The following RORA variants were observed in gnomAD, a reference collection of about 807,000 sequenced individuals.
RORA encodes nuclear receptor ROR-alpha.
In RORA, 7 loss-of-function variants were observed where a neutral mutation model predicts 69.5. That is an observed-to-expected ratio of 0.10 (90% CI 0.06 to 0.19). The LOEUF is 0.19. Ranked by LOEUF, RORA falls within the 10% of genes least tolerant of loss-of-function variation. The pLI is 1.00. For missense variants in RORA, 457 were observed against 663.0 expected (o/e 0.69, Z 3.41); for synonymous variants, 261 against 240.8 (o/e 1.08, Z -0.78).
Position 61,164,852 on chromosome 15 carries a change from A to G in RORA, c.166+64201T>C, listed in dbSNP as rs1224221711. Among the ~76,000 whole-genome samples, 3 of 152,218 alleles carry G rather than the reference A, an allele frequency of 2.0e-5. No homozygotes were observed. In the East Asian group the frequency reaches 5.8e-4, roughly 29 times the overall value. Reference sequence around the variant, plus strand: ...AGAAAAAATATAAATGTTCCAGGTAATTAGAGAGCACTTTCCAAGAAGCAC... The same window carrying G: ...AGAAAAAATATAAATGTTCCAGGTAGTTAGAGAGCACTTTCCAAGAAGCAC... On this transcript the variant is annotated intron_variant, in intron 1 of 10. Coordinates refer to ENST00000335670, the MANE Select transcript of RORA (RefSeq NM_134261.3).
chr15:60,505,199 G>A (rs2065460058), intron 6 of RORA, among the ~76,000 whole-genome samples: 1 of 152,156 alleles, frequency 6.6e-6, no homozygotes, highest in African/African-American at 2.4e-5. Context: ...TCTTGATTGT[G>A]ATATTGAGAC....
intron 1 of RORA, among the ~76,000 whole-genome samples, chr15:61,137,103 A>C (rs7177216): frequency 4.2e-5 from 6 of 142,544 alleles, no homozygotes; most frequent in South Asian, 2.3e-4. Context: ...AAGAAAGAAA[A>C]AAGCAAGGGT....
chr15:60,882,144 G>A (rs920691190), intron 1 of RORA, among the ~76,000 whole-genome samples: 46 of 152,146 alleles, frequency 3.0e-4, no homozygotes, highest in African/African-American at 1.1e-3. Context: ...TACAAAGCAT[G>A]CTGGCGAACA....
At position 60,572,744 on chromosome 15, in the gene RORA, G is replaced by A. The variant is rs113544149; in HGVS notation, c.197-40893C>T. Among the ~76,000 whole-genome samples, 602 of 152,326 alleles carry A rather than the reference G, an allele frequency of 4.0e-3. 5 individuals are homozygous for A. Among genetic ancestry groups the A allele is most frequent in the African/African-American group, 0.014 (568 of 41,560 alleles). On this transcript the variant is annotated intron_variant, in intron 2 of 10. Coordinates refer to ENST00000335670, the MANE Select transcript of RORA (RefSeq NM_134261.3). The stretch of plus-strand genomic sequence containing the variant: ...AAGCCACTGGTCCTGTGGCAAGGAA[G>A]TCAGATCACCACTATTCTGGATCAA...
chr15:60,597,557 T>A (rs1424093151), intron 2 of RORA, among the ~76,000 whole-genome samples: 1 of 26,900 alleles, frequency 3.7e-5, no homozygotes, highest in East Asian at 3.3e-3. Flanking sequence ...ACAACATATA[T>A]ATATATATAT....
intron 1 of RORA, among the ~76,000 whole-genome samples, chr15:60,746,681 G>A (rs992223102): frequency 1.3e-5 from 2 of 152,168 alleles, no homozygotes; most frequent in African/African-American, 2.4e-5. Context: ...CACTGTACAT[G>A]ACTGTGTCTT....
intron 1 of RORA, chr15:60,764,679 T>C (rs538111233): frequency 9.2e-5 from 14 of 152,334 alleles, no homozygotes; most frequent in African/African-American, 3.1e-4. Context: ...TGAGCTTTCA[T>C]CTGGATATGT....
At chr15:61,028,821 C>G (rs556775654) in intron 1 of RORA, among the ~76,000 whole-genome samples, 1 of 152,276 alleles carries the variant, frequency 6.6e-6, no homozygotes, top group South Asian at 2.1e-4. Flanking sequence ...AGTACTGATT[C>G]ACGCTAAAAT....
At chr15:60,558,131 C>T (rs2067421296) in intron 2 of RORA, 3 of 844,058 alleles carry the variant, frequency 3.6e-6, no homozygotes, top group Admixed American at 2.2e-5. Flanking sequence ...TGCCCAGTGC[C>T]ACACCGGGGG....
At chr15:60,680,299 T>A (rs1360834723) in intron 1 of RORA, among the ~76,000 whole-genome samples, 2 of 152,146 alleles carry the variant, frequency 1.3e-5, no homozygotes, top group Non-Finnish European at 2.9e-5. Context: ...TCCACACAAT[T>A]GGATTTAATA....
At chr15:60,580,123 G>A (rs1200361505) in intron 2 of RORA, among the ~76,000 whole-genome samples, 16 of 151,814 alleles carry the variant, frequency 1.1e-4, no homozygotes, top group Admixed American at 9.8e-4. Context: ...TATTTTCAAT[G>A]TAATATCAAG....
At chr15:60,784,113 C>T (rs1680446) in intron 1 of RORA, among the ~76,000 whole-genome samples, 15,586 of 152,114 alleles carry the variant, frequency 0.1, 1,708 homozygotes, top group African/African-American at 0.28. Context: ...TAATAAGTTT[C>T]CACGAAGCTA....
At chr15:60,777,182 G>T (rs2072180659) in intron 1 of RORA, among the ~76,000 whole-genome samples, 1 of 152,204 alleles carries the variant, frequency 6.6e-6, no homozygotes, top group African/African-American at 2.4e-5. Flanking sequence ...CAAAGCATAA[G>T]AATGTTCACA....
intron 3 of RORA, among the ~76,000 whole-genome samples, chr15:60,515,348 C>T (rs1419086540): frequency 1.3e-5 from 2 of 152,184 alleles, no homozygotes; most frequent in African/African-American, 2.4e-5. Context: ...GGAATATTCC[C>T]TCATCCCTGG....
intron 2 of RORA, among the ~76,000 whole-genome samples, chr15:60,621,147 A>T (rs1040004078): frequency 6.6e-6 from 1 of 152,206 alleles, no homozygotes; most frequent in Non-Finnish European, 1.5e-5. Context: ...GATGTTCCTA[A>T]GAAGAACTTA....
intron 1 of RORA, among the ~76,000 whole-genome samples, chr15:60,806,054 C>G (rs1415859184): frequency 6.6e-6 from 1 of 152,160 alleles, no homozygotes; most frequent in Non-Finnish European, 1.5e-5. Flanking sequence ...CTCTTGATTG[C>G]TTGGCCAATC....
chr15:60,819,164 T>C (rs962126104), intron 1 of RORA, among the ~76,000 whole-genome samples: 1 of 152,256 alleles, frequency 6.6e-6, no homozygotes. Flanking sequence ...CTTTGATTTA[T>C]GCTATTACTG....
At chr15:60,709,628 G>A (rs974937269) in intron 1 of RORA, among the ~76,000 whole-genome samples, 2 of 151,474 alleles carry the variant, frequency 1.3e-5, no homozygotes, top group South Asian at 2.1e-4. Context: ...TAGGTTGTGC[G>A]CTCGTCATGA....
At chr15:60,794,515 A>G (rs2072464006) in intron 1 of RORA, among the ~76,000 whole-genome samples, 1 of 152,204 alleles carries the variant, frequency 6.6e-6, no homozygotes, top group Non-Finnish European at 1.5e-5. Context: ...AGTCCTAGGG[A>G]AAAATACTGG....
Sources: allele counts gnomAD v4.1 joint callset (sites outside exome capture counted in the v4.1 genomes callset), GRCh38; gene constraint gnomAD v4.1.1; transcripts MANE v1.5; gene names NCBI Gene and HGNC (gene_info 2026-07-23, HGNC 2026-07-21).